SEPTIN3: variants seen among roughly 807,000 people sequenced by gnomAD.
The protein encoded by SEPTIN3 is neuronal-specific septin-3.
SEPTIN3 carries 15 observed loss-of-function variants against 45.1 expected under a neutral mutation model. The observed-to-expected ratio is 0.33, with a 90% CI of 0.22 to 0.51. SEPTIN3 has a LOEUF of 0.51. SEPTIN3 is among the 20% of genes least tolerant of loss of function. SEPTIN3 has a pLI of 0.97. For missense variants in SEPTIN3, 289 were observed against 457.2 expected (o/e 0.63, Z 3.35); for synonymous variants, 148 against 164.8 (o/e 0.90, Z 0.78).
rs59942714 is a variant in SEPTIN3 at position 41,994,883 on chromosome 22, C to CTGTGTG, written c.2505+204_2505+209dup. 42,362 of 1,329,012 alleles carry CTGTGTG rather than the reference C, an allele frequency of 0.032. 398 individuals carry two copies. The highest frequency in any genetic ancestry group is 0.13 in the East Asian group (3,526 of 27,780). The allele number at this position is 1,329,012 out of a possible 1,614,324, so 82.3% of individuals were successfully genotyped here. On this transcript the variant is annotated intron_variant, in intron 11 of 11. Transcript: ENST00000644076. The surrounding 1 kb of genome is among the most constrained non-coding windows in gnomAD (Gnocchi z 4.2). ...GTCTGGTATTTGTGGAGCATCTTGTCTGTGTGTGTGTGTGTGTGTGTGTGT... is the reference window on the plus strand; with the variant it reads ...GTCTGGTATTTGTGGAGCATCTTGTCTGTGTGTGTGTGTGTGTGTGTGTGTGTGTGT...
At chr22:41,973,708 C>T (rs958424423) in intron 2 of SEPTIN3, among the ~76,000 whole-genome samples, 1 of 151,500 alleles carries the variant, frequency 6.6e-6, no homozygotes, top group African/African-American at 2.4e-5. Context: ...GGGTTGGGCA[C>T]AGTGGCGCAC....
At chr22:41,987,058 G>T in intron 4 of SEPTIN3, 148 bp from the exon 5 acceptor site, 1 of 574,678 alleles carries the variant, frequency 1.7e-6, no homozygotes, top group Non-Finnish European at 3.1e-6. Context: ...CATAAGCCAT[G>T]ATATCGAGAT....
intron 3 of SEPTIN3, among the ~76,000 whole-genome samples, chr22:41,983,554 C>T (rs2078155720): frequency 6.6e-6 from 1 of 152,228 alleles, no homozygotes; most frequent in South Asian, 2.1e-4. Flanking sequence ...CTCTTCAGCT[C>T]ATCTCTGACC....
intron 2 of SEPTIN3, among the ~76,000 whole-genome samples, chr22:41,979,182 G>A (rs1335482324): frequency 2.0e-5 from 3 of 152,144 alleles, no homozygotes; most frequent in Admixed American, 6.5e-5. Context: ...GCCTGTGGTA[G>A]CCCCTAGATG....
Position 41,976,954 on chromosome 22 carries a change from G to A in SEPTIN3, c.1504+3958G>A. 1 of 1,076,182 alleles carries A rather than the reference G, an allele frequency of 9.3e-7. No individual in the cohort carries two copies. The allele number at this position is 1,076,182 out of a possible 1,614,324, so 66.7% of individuals were successfully genotyped here. On this transcript the variant is annotated intron_variant, in intron 2 of 11. Coordinates refer to ENST00000644076, the MANE Select transcript of SEPTIN3 (RefSeq NM_001363845.2). The surrounding 1 kb of genome is among the most constrained non-coding windows in gnomAD (Gnocchi z 5.8). ...GCGGGTGGGAGGAGAGCGCGAAGGG[G>A]CGAGGCCCGTTTGCAGGGGCCGCTC...
rs142828183 is a variant in SEPTIN3, at chr22:41,984,319, A to G, written c.1697-1665A>G. On this transcript the variant is annotated intron_variant, in intron 3 of 11. Coordinates refer to ENST00000644076, the MANE Select transcript of SEPTIN3 (RefSeq NM_001363845.2). Reference sequence around the variant, plus strand: ...ATGGTTCTTTTTCTAATATAATCACAAGAATTCACCAGCCCAGTATTTCTT... The same window carrying G: ...ATGGTTCTTTTTCTAATATAATCACGAGAATTCACCAGCCCAGTATTTCTT... Among the ~76,000 whole-genome samples, 69 of 152,262 alleles carry G rather than the reference A, an allele frequency of 4.5e-4. No individual in the cohort carries two copies. In the East Asian group the frequency reaches 8.9e-3, roughly 20 times the overall value.
intron 11 of SEPTIN3, 181 bp from the exon 12 acceptor site, chr22:41,996,721 G>A: frequency 6.7e-7 from 1 of 1,488,754 alleles, no homozygotes; most frequent in Non-Finnish European, 8.9e-7. Flanking sequence ...AGTCCTGTAT[G>A]GAGACCTTGG....
intron 1 of SEPTIN3, among the ~76,000 whole-genome samples, chr22:41,970,069 C>T (rs2077943830): frequency 1.3e-5 from 2 of 151,914 alleles, no homozygotes; most frequent in East Asian, 1.9e-4. Context: ...TGTCCGGTGC[C>T]CTGCCTTCCC....
intron 2 of SEPTIN3, among the ~76,000 whole-genome samples, chr22:41,981,072 G>T (rs1437501058): frequency 6.6e-6 from 1 of 152,314 alleles, no homozygotes; most frequent in African/African-American, 2.4e-5. Context: ...AGATGTTAGT[G>T]CAGGATCCTA....
At chr22:41,974,364 T>G (rs562249676) in intron 2 of SEPTIN3, among the ~76,000 whole-genome samples, 1 of 151,860 alleles carries the variant, frequency 6.6e-6, no homozygotes, top group Non-Finnish European at 1.5e-5. Flanking sequence ...AGGTGAGTTG[T>G]TCAAGACTAG....
intron 8 of SEPTIN3, among the ~76,000 whole-genome samples, 162 bp downstream of exon 8, chr22:41,991,830 G>C (rs2078323181): frequency 6.6e-6 from 1 of 151,994 alleles, no homozygotes; most frequent in Non-Finnish European, 1.5e-5. Flanking sequence ...CTATGGCCCT[G>C]GACTGTGAAC....
At chr22:41,983,619 G>A (rs1172275983) in intron 3 of SEPTIN3, among the ~76,000 whole-genome samples, 1 of 152,172 alleles carries the variant, frequency 6.6e-6, no homozygotes, top group Non-Finnish European at 1.5e-5. Context: ...TCGTCCACAT[G>A]CCATGCTCTC....
chr22:41,984,094 T>G (rs2078163792), intron 3 of SEPTIN3, among the ~76,000 whole-genome samples: 1 of 152,180 alleles, frequency 6.6e-6, no homozygotes, highest in African/African-American at 2.4e-5. Context: ...GATGTAGCCT[T>G]TTTAACATAA....
intron 2 of SEPTIN3, among the ~76,000 whole-genome samples, chr22:41,974,522 G>T (rs1027890757): frequency 6.6e-6 from 1 of 151,832 alleles, no homozygotes; most frequent in Admixed American, 6.6e-5. Flanking sequence ...CATTAGCCGG[G>T]TGTGGTGGTG....
In SEPTIN3 at chr22:41,972,116, G is replaced by C. The variant is rs1378561042; in HGVS notation, c.624G>C (p.Glu208Asp). 2.5e-6 allele frequency: 1 copy of C among 399,006 alleles called. No individual in the cohort carries two copies. The highest frequency in any genetic ancestry group is 2.1e-5 in the African/African-American group (1 of 48,640). The allele number at this position is 399,006 out of a possible 1,614,324, so 24.7% of individuals were successfully genotyped here. A position where few individuals can be genotyped will look rare whatever the true frequency, so the allele number is the denominator to read the frequency against. Residue 208 changes from glutamate to aspartate, a missense_variant, in exon 2 of 12, where the codon GAG (glutamate) becomes GAC (aspartate). By Grantham distance (45) the Glu-to-Asp change is conservative. Transcript: ENST00000644076. ...RLAQSAPVLAEPGSLGQGHLV... is the reference protein window; with the variant it reads ...RLAQSAPVLADPGSLGQGHLV... ...CCCAGAGTGCACCAGTCCTTGCAGA[G>C]CCAGGCTCGTTGGGCCAGGGGCACC...
At chr22:41,989,870 T>C (rs1355573742) in intron 7 of SEPTIN3, among the ~76,000 whole-genome samples, 186 bp downstream of exon 7, 2 of 151,930 alleles carry the variant, frequency 1.3e-5, no homozygotes, top group Non-Finnish European at 2.9e-5. Flanking sequence ...GGGACTATGA[T>C]GAAGAAAAGA....
At chr22:41,969,846 G>T (rs1302423448) in intron 1 of SEPTIN3, among the ~76,000 whole-genome samples, 169 bp downstream of exon 1, 1 of 152,030 alleles carries the variant, frequency 6.6e-6, no homozygotes, top group African/African-American at 2.4e-5. Flanking sequence ...TCTGTGTGTG[G>T]GTGTGCACAC....
At chr22:41,984,845 CTTTTTTTTTTTTTTT>C (rs11380985) in intron 3 of SEPTIN3, among the ~76,000 whole-genome samples, 1 of 100,662 alleles carries the variant, frequency 9.9e-6, no homozygotes, top group Non-Finnish European at 1.9e-5. Flanking sequence ...GTGGTTTTCC[CTTTTTTTTTTTTTTT>C]TTTTTTTTTT....
At chr22:41,996,121 T>G (rs1159740909) in intron 11 of SEPTIN3, 3 of 984,870 alleles carry the variant, frequency 3.0e-6, no homozygotes, top group African/African-American at 3.5e-5. Flanking sequence ...CTTTCTCTAC[T>G]TTTCCCTAAT....
Sources: allele counts gnomAD v4.1 joint callset (sites outside exome capture counted in the v4.1 genomes callset), GRCh38; gene constraint gnomAD v4.1.1; non-coding constraint Gnocchi (gnomAD v3.1); transcripts MANE v1.5; gene names NCBI Gene and HGNC (gene_info 2026-07-23, HGNC 2026-07-21).